LHFPL2: variants seen among roughly 807,000 people sequenced by gnomAD.
LHFPL2 encodes the protein LHFPL tetraspan subfamily member 2, also known as LHFPL tetraspan subfamily member 2 protein.
In LHFPL2, 7 loss-of-function variants were observed where a neutral mutation model predicts 17.5. The ratio of observed to expected loss-of-function variants is 0.40; its 90% confidence interval spans 0.23 to 0.75. The LOEUF (loss-of-function observed/expected upper bound fraction) is 0.75. Among genes scored for constraint, LHFPL2 ranks in the 30% least tolerant of loss-of-function variants. The pLI is 0.37. For missense variants in LHFPL2, 241 were observed against 294.8 expected, an observed-to-expected ratio of 0.82 and a Z score of 1.34; for synonymous variants, 134 against 116.2, an observed-to-expected ratio of 1.15 and a Z score of -0.99.
intron 2 of LHFPL2, among the ~76,000 whole-genome samples, chr5:78,587,413 G>T (rs1743455228): frequency 6.6e-6 from 1 of 152,152 alleles, no homozygotes; most frequent in South Asian, 2.1e-4. Context: ...AGCAGAAAAA[G>T]ACCACCAGAA....
chr5:78,503,332 C>T (rs921134325), intron 4 of LHFPL2, among the ~76,000 whole-genome samples: 2 of 152,218 alleles, frequency 1.3e-5, no homozygotes, highest in Non-Finnish European at 2.9e-5. Context: ...ATTTGCATAT[C>T]AACTGCTATA....
At chr5:78,514,458 C>G (rs1338098429) in intron 3 of LHFPL2, among the ~76,000 whole-genome samples, 1 of 152,082 alleles carries the variant, frequency 6.6e-6, no homozygotes, top group African/African-American at 2.4e-5. Context: ...CTGTGGGAGT[C>G]AGTCCTATGT....
At chr5:78,512,771 T>TC (rs1755176363) in intron 3 of LHFPL2, among the ~76,000 whole-genome samples, 1 of 150,864 alleles carries the variant, frequency 6.6e-6, no homozygotes, top group Middle Eastern at 3.4e-3. Flanking sequence ...TCTTTTCTTT[T>TC]TTTTTTTTTT....
chr5:78,493,696 G>C (rs1003926185), intron 4 of LHFPL2, among the ~76,000 whole-genome samples: 2 of 152,196 alleles, frequency 1.3e-5, no homozygotes, highest in African/African-American at 4.8e-5. Context: ...CAGCAAGAAA[G>C]AAAATAGAGA....
intron 2 of LHFPL2, among the ~76,000 whole-genome samples, chr5:78,597,463 A>G (rs1420059375): frequency 6.6e-6 from 1 of 152,230 alleles, no homozygotes; most frequent in Non-Finnish European, 1.5e-5. Flanking sequence ...AGCAAGAAAA[A>G]ATGAAGACAA....
At chr5:78,508,524 C>T (rs1166917750) in intron 4 of LHFPL2, among the ~76,000 whole-genome samples, 1 of 152,172 alleles carries the variant, frequency 6.6e-6, no homozygotes, top group African/African-American at 2.4e-5. Context: ...ACAGGGGCCT[C>T]CTAAGATCTG....
chr5:78,544,329 C>T (rs889766796), intron 3 of LHFPL2, among the ~76,000 whole-genome samples: 2 of 152,192 alleles, frequency 1.3e-5, no homozygotes, highest in Non-Finnish European at 2.9e-5. Context: ...ATCTATTGCA[C>T]GACACCTCAG....
chr5:78,542,046 C>T (rs1011586523), intron 3 of LHFPL2, among the ~76,000 whole-genome samples: 1 of 151,956 alleles, frequency 6.6e-6, no homozygotes, highest in African/African-American at 2.4e-5. Flanking sequence ...ACTGTAGAAT[C>T]CTTAAATTAC....
At chr5:78,583,874 G>C (rs1257108944) in intron 2 of LHFPL2, among the ~76,000 whole-genome samples, 47 of 150,328 alleles carry the variant, frequency 3.1e-4, no homozygotes, top group Non-Finnish European at 3.9e-4. Flanking sequence ...ATCCTGCAGA[G>C]TGTTTTCCAA....
intron 2 of LHFPL2, among the ~76,000 whole-genome samples, chr5:78,574,150 T>G (rs1361718553): frequency 6.6e-6 from 1 of 152,198 alleles, no homozygotes; most frequent in Admixed American, 6.5e-5. Context: ...TGTTCTAACT[T>G]AGAGGAGGAA....
intron 3 of LHFPL2, among the ~76,000 whole-genome samples, chr5:78,527,563 C>T (rs369951139): frequency 4.0e-5 from 6 of 151,588 alleles, no homozygotes; most frequent in African/African-American, 1.5e-4. Flanking sequence ...TTTCACCAGA[C>T]CCTTTTGTGT....
intron 3 of LHFPL2, among the ~76,000 whole-genome samples, chr5:78,511,959 T>C (rs1184109103): frequency 1.3e-5 from 2 of 152,080 alleles, no homozygotes; most frequent in Non-Finnish European, 2.9e-5. Context: ...GCACTGACCA[T>C]ATGGATGCCT....
intron 3 of LHFPL2, among the ~76,000 whole-genome samples, chr5:78,533,409 T>C (rs1440855105): frequency 6.6e-6 from 1 of 152,154 alleles, no homozygotes; most frequent in Non-Finnish European, 1.5e-5. Context: ...CAAATGCATA[T>C]GAGAAGAAAT....
At chr5:78,522,632 A>G (rs1480859182) in intron 3 of LHFPL2, among the ~76,000 whole-genome samples, 1 of 152,214 alleles carries the variant, frequency 6.6e-6, no homozygotes, top group Non-Finnish European at 1.5e-5. Context: ...CTTGTTCACA[A>G]CCAATTGTCC....
chr5:78,575,964 T>A (rs1230979708), intron 2 of LHFPL2, among the ~76,000 whole-genome samples: 1 of 152,170 alleles, frequency 6.6e-6, no homozygotes, highest in African/African-American at 2.4e-5. Context: ...CCTGGTGCAA[T>A]CTTACAGGGA....
intron 4 of LHFPL2, among the ~76,000 whole-genome samples, chr5:78,505,735 C>T (rs1387923383): frequency 2.0e-5 from 3 of 152,240 alleles, no homozygotes; most frequent in South Asian, 4.1e-4. Flanking sequence ...AAATAATATA[C>T]TAAAACTTGC....
chr5:78,563,870 C>A (rs1305567553), intron 3 of LHFPL2, among the ~76,000 whole-genome samples: 1 of 152,118 alleles, frequency 6.6e-6, no homozygotes, highest in African/African-American at 2.4e-5. Context: ...ACAACAAAAA[C>A]CTCAAGCTTC....
intron 2 of LHFPL2, among the ~76,000 whole-genome samples, chr5:78,584,084 AGGCTTCTGC>A (rs1474067133): frequency 1.3e-5 from 2 of 151,374 alleles, no homozygotes; most frequent in African/African-American, 4.9e-5. Context: ...TCGGCTCCTG[AGGCTTCTGC>A]ATTCTTCACG....
At chr5:78,617,497 C>T (rs1361754422) in intron 2 of LHFPL2, among the ~76,000 whole-genome samples, 2 of 152,120 alleles carry the variant, frequency 1.3e-5, no homozygotes, top group East Asian at 3.9e-4. Flanking sequence ...CATCTGTGCA[C>T]CCATGGGTGC....
Sources: allele counts gnomAD v4.1 joint callset (sites outside exome capture counted in the v4.1 genomes callset), GRCh38; gene constraint gnomAD v4.1.1; transcripts MANE v1.5; gene names NCBI Gene and HGNC (gene_info 2026-07-23, HGNC 2026-07-21).